SMCO4: variants seen among roughly 807,000 people sequenced by gnomAD.
The protein encoded by SMCO4 is single-pass membrane and coiled-coil domain-containing protein 4.
In SMCO4, 4 loss-of-function variants were observed where a neutral mutation model predicts 3.6. That is an observed-to-expected ratio of 1.11 (90% CI 0.54 to 2.53). The LOEUF (loss-of-function observed/expected upper bound fraction) is 2.53. Ranked by LOEUF, SMCO4 falls within the 30% of genes most tolerant of loss-of-function variation. The pLI is 0.02. For synonymous variants in SMCO4, 36 were observed against 35.3 expected, an observed-to-expected ratio of 1.02 and a Z score of -0.07; for missense variants, 70 against 80.8, an observed-to-expected ratio of 0.87 and a Z score of 0.51.
intron 2 of SMCO4, among the ~76,000 whole-genome samples, chr11:93,483,100 C>T (rs778936242): frequency 1.3e-4 from 20 of 151,764 alleles, no homozygotes; most frequent in Non-Finnish European, 2.2e-4. Flanking sequence ...GCACTGGGGG[C>T]GAGGGGTGGC....
intron 1 of SMCO4, among the ~76,000 whole-genome samples, chr11:93,513,162 G>A (rs1043376103): frequency 1.3e-5 from 2 of 152,080 alleles, no homozygotes; most frequent in Non-Finnish European, 2.9e-5. Context: ...TGTGACCCTG[G>A]GCCAGCTTCT....
chr11:93,527,390 G>C (rs562851263), intron 1 of SMCO4, among the ~76,000 whole-genome samples: 10 of 151,618 alleles, frequency 6.6e-5, no homozygotes, highest in African/African-American at 2.4e-4. Flanking sequence ...TCACATAAGG[G>C]GTTCCAAAAA....
At chr11:93,546,648 A>T (rs1949317565), upstream of SMCO4, among the ~76,000 whole-genome samples, 1 of 152,214 alleles carries the variant, frequency 6.6e-6, no homozygotes. Flanking sequence ...CAGAACTGGG[A>T]TGACCAATTC....
chr11:93,516,661 G>C (rs552517819), intron 1 of SMCO4, among the ~76,000 whole-genome samples: 1 of 151,962 alleles, frequency 6.6e-6, no homozygotes, highest in African/African-American at 2.4e-5. Context: ...GTGGTGGTGC[G>C]TGCCTGTAGT....
intron 1 of SMCO4, among the ~76,000 whole-genome samples, chr11:93,508,900 C>G (rs541430978): frequency 2.6e-5 from 4 of 152,138 alleles, no homozygotes; most frequent in Non-Finnish European, 5.9e-5. Context: ...AGAGCCTGGA[C>G]GAGCAGACCC....
At chr11:93,532,483 G>A (rs1949172682) in intron 1 of SMCO4, among the ~76,000 whole-genome samples, 1 of 152,236 alleles carries the variant, frequency 6.6e-6, no homozygotes, top group African/African-American at 2.4e-5. Flanking sequence ...CTTGGACGGA[G>A]TCCCGCTGCC....
At chr11:93,485,424 C>T (rs1203473595) in intron 2 of SMCO4, among the ~76,000 whole-genome samples, 1 of 152,242 alleles carries the variant, frequency 6.6e-6, no homozygotes, top group Non-Finnish European at 1.5e-5. Flanking sequence ...TGCGCTTTTC[C>T]CTCACACTGT....
intron 1 of SMCO4, among the ~76,000 whole-genome samples, chr11:93,502,498 T>A (rs1948850932): frequency 6.6e-6 from 1 of 152,204 alleles, no homozygotes; most frequent in African/African-American, 2.4e-5. Flanking sequence ...ATGCTGTACA[T>A]TTCAGGCTTA....
intron 1 of SMCO4, among the ~76,000 whole-genome samples, chr11:93,511,428 GA>G (rs1031145579): frequency 1.3e-4 from 19 of 149,312 alleles, no homozygotes; most frequent in South Asian, 4.3e-4. Context: ...TTGATAAAAA[GA>G]AAAAAAAAAT....
chr11:93,539,302 AG>A (rs1949253558), intron 1 of SMCO4, among the ~76,000 whole-genome samples: 1 of 152,212 alleles, frequency 6.6e-6, no homozygotes, highest in South Asian at 2.1e-4. Context: ...CTAAAAATGA[AG>A]GGTCATAAAT....
At chr11:93,528,430 C>T (rs1194275028) in intron 1 of SMCO4, among the ~76,000 whole-genome samples, 1 of 152,214 alleles carries the variant, frequency 6.6e-6, no homozygotes, top group Non-Finnish European at 1.5e-5. Context: ...TTAGCCAAAT[C>T]CTCCACCACC....
In SMCO4 at chr11:93,535,890, T is replaced by G. The variant is rs1949220585; in HGVS notation, c.-154+7386A>C. On this transcript the variant is annotated intron_variant, in intron 1 of 2. Coordinates refer to ENST00000298966, the MANE Select transcript of SMCO4 (RefSeq NM_020179.3). ...TATTTTTTCCTTTTGGCCACATAGC[T>G]AGGTTTCTGGTTCCCCCACAGTAGG... The G allele has an allele frequency of 6.2e-6, 10 of 1,600,040 alleles. No individual in the cohort carries two copies. In the Admixed American group the frequency reaches 1.3e-4, roughly 22 times the overall value.
chr11:93,495,594 C>T (rs1258858078), intron 2 of SMCO4, among the ~76,000 whole-genome samples: 1 of 152,126 alleles, frequency 6.6e-6, no homozygotes, highest in Admixed American at 6.5e-5. Context: ...TTTTCTTGTA[C>T]CAACCTAGAA....
At chr11:93,497,232 C>A (rs551812275) in intron 2 of SMCO4, among the ~76,000 whole-genome samples, 2 of 152,226 alleles carry the variant, frequency 1.3e-5, no homozygotes, top group East Asian at 3.9e-4. Context: ...TAAACAATTC[C>A]ACATGGCAAT....
chr11:93,520,842 C>G (rs964677851), intron 1 of SMCO4, among the ~76,000 whole-genome samples: 1 of 152,050 alleles, frequency 6.6e-6, no homozygotes, highest in African/African-American at 2.4e-5. Flanking sequence ...TGCCTTTCAC[C>G]TTCAGCATGT....
At chr11:93,533,560 C>A (rs1037558217) in intron 1 of SMCO4, among the ~76,000 whole-genome samples, 1 of 152,134 alleles carries the variant, frequency 6.6e-6, no homozygotes, top group African/African-American at 2.4e-5. Flanking sequence ...CCCCACTCAG[C>A]CACCTCGAAA....
At chr11:93,489,150 T>C (rs1022616011) in intron 2 of SMCO4, among the ~76,000 whole-genome samples, 4 of 152,180 alleles carry the variant, frequency 2.6e-5, no homozygotes, top group Non-Finnish European at 5.9e-5. Context: ...AGTGCCGGCC[T>C]GAAATCCTAG....
Position 93,485,401 on chromosome 11 carries a change from A to T in SMCO4, c.-80-6132T>A, listed in dbSNP as rs1332249192. On this transcript the variant is annotated intron_variant, in intron 2 of 2. Transcript: ENST00000298966. The stretch of plus-strand genomic sequence containing the variant: ...ACCTCCATGCCTTTGCTGATGGAAC[A>T]TCTATGCTGGAATGCGCTTTTCCCT... 2.0e-5 allele frequency among the ~76,000 whole-genome samples: 3 copies of T among 152,222 alleles called. No homozygotes were observed. In the East Asian group the frequency reaches 5.8e-4, roughly 29 times the overall value.
At chr11:93,517,697 C>T (rs776996711) in intron 1 of SMCO4, among the ~76,000 whole-genome samples, 1 of 152,180 alleles carries the variant, frequency 6.6e-6, no homozygotes, top group Non-Finnish European at 1.5e-5. Context: ...CTCACAGCAA[C>T]CCTAGAAAGT....
Sources: allele counts gnomAD v4.1 joint callset (sites outside exome capture counted in the v4.1 genomes callset), GRCh38; gene constraint gnomAD v4.1.1; transcripts MANE v1.5; gene names NCBI Gene and HGNC (gene_info 2026-07-23, HGNC 2026-07-21).